PLXNA2: variants seen among roughly 807,000 people sequenced by gnomAD.
PLXNA2 encodes plexin A2.
A neutral mutation model predicts 193.5 loss-of-function variants in PLXNA2; 91 were observed. That is an observed-to-expected ratio of 0.47 (90% CI 0.40 to 0.56). PLXNA2 has a LOEUF of 0.56. Among genes scored for constraint, PLXNA2 ranks in the 20% least tolerant of loss-of-function variants. The pLI, the probability that PLXNA2 is intolerant of heterozygous loss-of-function variation, is 0.00. For missense variants in PLXNA2, 1,995 were observed against 2,503.2 expected (o/e 0.80, Z 4.33); for synonymous variants, 997 against 1,027.3 (o/e 0.97, Z 0.56).
rs1028294256 is a variant in PLXNA2 at position 208,224,082 on chromosome 1, C to T, written c.-80-6080G>A. Among the ~76,000 whole-genome samples, 20 of 152,224 alleles carry T rather than the reference C, an allele frequency of 1.3e-4. 1 individual carries two copies. Among genetic ancestry groups the T allele is most frequent in the Non-Finnish European group, 1.0e-4 (7 of 68,048 alleles). Reference sequence around the variant, plus strand: ...GTACGTGCAAGCATTCTGAGCATCGCTCTGTCTAACACCGACCTTAGAGGT... The same window carrying T: ...GTACGTGCAAGCATTCTGAGCATCGTTCTGTCTAACACCGACCTTAGAGGT... On this transcript the variant is annotated intron_variant, in intron 1 of 31. Coordinates refer to ENST00000367033, the MANE Select transcript of PLXNA2 (RefSeq NM_025179.4).
intron 3 of PLXNA2, among the ~76,000 whole-genome samples, chr1:208,144,292 G>T (rs1225405202): frequency 6.6e-6 from 1 of 152,196 alleles, no homozygotes; most frequent in Non-Finnish European, 1.5e-5. Context: ...TTGGCCGAGT[G>T]GGGAAGGTCA....
rs139061737 is a variant in PLXNA2 at position 208,044,617 on chromosome 1, G to T, written c.3765C>A (p.Ile1255=). ...GGSLLLIIVI[I]VLIAYKRKSR... is the part of the protein sequence containing the mutation. ...ACTTGCGCTTGTAGGCAATGAGGACGATGATGACGATGATGAGGAGGAGGC... is the reference window on the plus strand; with the variant it reads ...ACTTGCGCTTGTAGGCAATGAGGACTATGATGACGATGATGAGGAGGAGGC... The change falls in exon 20 of 32, where the codon ATC becomes ATA. Residue 1255 remains isoleucine, a synonymous_variant. Transcript: ENST00000367033. This position sits in a 1 kb window ranked among gnomAD's most constrained non-coding sequence, Gnocchi z 4.9. The T allele has an allele frequency of 8.1e-6, 13 of 1,614,052 alleles. No individual in the cohort carries two copies. Among genetic ancestry groups the T allele is most frequent in the Non-Finnish European group, 1.1e-5 (13 of 1,179,970 alleles).
intron 2 of PLXNA2, among the ~76,000 whole-genome samples, chr1:208,211,939 T>C (rs1353359044): frequency 2.6e-5 from 4 of 152,234 alleles, no homozygotes; most frequent in Non-Finnish European, 4.4e-5. Flanking sequence ...TTGCATTCTG[T>C]ACACAGTGCT....
At chr1:208,053,787 A>T (rs1035445045) in intron 14 of PLXNA2, among the ~76,000 whole-genome samples, 2 of 152,242 alleles carry the variant, frequency 1.3e-5, no homozygotes, top group African/African-American at 4.8e-5. Context: ...CAGTATGAAT[A>T]GAGTGCCATT....
intron 3 of PLXNA2, among the ~76,000 whole-genome samples, chr1:208,192,891 A>G (rs1348027059): frequency 2.9e-5 from 3 of 102,146 alleles, no homozygotes; most frequent in African/African-American, 1.2e-4. Context: ...CCGTCTCAAA[A>G]GAAAAAGAAA....
At chr1:208,196,958 C>A (rs1362616351) in intron 3 of PLXNA2, among the ~76,000 whole-genome samples, 1 of 152,084 alleles carries the variant, frequency 6.6e-6, no homozygotes, top group Non-Finnish European at 1.5e-5. Context: ...GTGTACTAGA[C>A]CTGTGCTAAG....
intron 3 of PLXNA2, 159 bp downstream of exon 3, chr1:208,210,121 G>A: frequency 1.4e-6 from 1 of 705,858 alleles, no homozygotes; most frequent in Non-Finnish European, 2.5e-6. Context: ...TAGAAGCTAA[G>A]TCACAAAATT....
chr1:208,157,771 G>C (rs1279285632), intron 3 of PLXNA2, among the ~76,000 whole-genome samples: 2 of 152,244 alleles, frequency 1.3e-5, no homozygotes, highest in Non-Finnish European at 2.9e-5. Context: ...AAACTCCTAT[G>C]GGTCTGGCCC....
At chr1:208,081,858 G>A (rs145838542) in intron 11 of PLXNA2, among the ~76,000 whole-genome samples, 6 of 152,106 alleles carry the variant, frequency 3.9e-5, no homozygotes, top group African/African-American at 9.7e-5. Context: ...GGAGGAGCTC[G>A]ACATGAGTTT....
Position 208,186,337 on chromosome 1 carries a change from G to T in PLXNA2, c.1371+23943C>A, listed in dbSNP as rs577449123. On this transcript the variant is annotated intron_variant, in intron 3 of 31. Transcript: ENST00000367033. ...TTTAAAGTGGGGGTTGGGAGAGGGG[G>T]TTCATAAATAGAGAATAGAAAATGC... Among the ~76,000 whole-genome samples the T allele has an allele frequency of 2.0e-5, 3 of 151,886 alleles. No homozygotes were observed. In the South Asian group the frequency reaches 6.2e-4, roughly 32 times the overall value.
In PLXNA2 at chr1:208,044,524, G is replaced by A; in HGVS notation, c.3858C>T (p.Ala1286=). The A allele has an allele frequency of 1.2e-6, 2 of 1,613,808 alleles. No homozygotes were observed. The highest frequency in any genetic ancestry group is 1.7e-6 in the Non-Finnish European group (2 of 1,179,712). ...TCCACTAACCTTCCTTGCACTCCAAGGCCACACGGGACTCCAGATTGTCCA... is the reference window on the plus strand; with the variant it reads ...TCCACTAACCTTCCTTGCACTCCAAAGCCACACGGGACTCCAGATTGTCCA... ...MQMDNLESRV[A]LECKEAFAEL... is the part of the protein sequence containing the mutation. The change falls in exon 20 of 32, where the codon GCC becomes GCT. Residue 1286 remains alanine, a synonymous_variant. Transcript: ENST00000367033. This position sits in a 1 kb window ranked among gnomAD's most constrained non-coding sequence, Gnocchi z 4.9.
chr1:208,160,880 A>C (rs1201300920), intron 3 of PLXNA2, among the ~76,000 whole-genome samples: 1 of 152,258 alleles, frequency 6.6e-6, no homozygotes, highest in South Asian at 2.1e-4. Flanking sequence ...CTATTTTAAA[A>C]AGATCAAGTT....
intron 12 of PLXNA2, among the ~76,000 whole-genome samples, chr1:208,067,720 T>C (rs1320184398): frequency 6.6e-6 from 1 of 152,190 alleles, no homozygotes; most frequent in African/African-American, 2.4e-5. Context: ...GGGTACACTG[T>C]CTAGGTTTGT....
At chr1:208,211,732 A>C (rs1226854912) in intron 2 of PLXNA2, among the ~76,000 whole-genome samples, 1 of 152,002 alleles carries the variant, frequency 6.6e-6, no homozygotes, top group Non-Finnish European at 1.5e-5. Flanking sequence ...GAAAGTAGGA[A>C]GATCTTGATC....
chr1:208,173,498 G>A (rs1480249447), intron 3 of PLXNA2, among the ~76,000 whole-genome samples: 1 of 152,232 alleles, frequency 6.6e-6, no homozygotes, highest in Non-Finnish European at 1.5e-5. Flanking sequence ...GGAGCTCAGA[G>A]AATCTAAGTG....
chr1:208,146,850 T>G (rs1167116785), intron 3 of PLXNA2, among the ~76,000 whole-genome samples: 1 of 152,046 alleles, frequency 6.6e-6, no homozygotes, highest in Non-Finnish European at 1.5e-5. Flanking sequence ...AATGAGTCAC[T>G]GGAGTGTGTT....
chr1:208,140,224 T>C (rs1668420916), intron 4 of PLXNA2, among the ~76,000 whole-genome samples: 1 of 152,148 alleles, frequency 6.6e-6, no homozygotes, highest in East Asian at 1.9e-4. Context: ...TGGCATCAGA[T>C]ATGGATCTAG....
chr1:208,229,118 T>C (rs946750517), intron 1 of PLXNA2, among the ~76,000 whole-genome samples: 10 of 152,146 alleles, frequency 6.6e-5, no homozygotes, highest in African/African-American at 2.4e-4. Flanking sequence ...CAGGTCTGCC[T>C]CAGTACACAG....
In PLXNA2 at chr1:208,216,935, T is replaced by A. The variant is rs770691022; in HGVS notation, c.988A>T (p.Ser330Cys). 1.1e-5 allele frequency: 18 copies of A among 1,614,142 alleles called. 1 individual carries two copies. In the Middle Eastern group the frequency reaches 9.9e-4, roughly 89 times the overall value. ...DSLAQAFNIT[S>C]QDDVLFAIFS... is the part of the protein sequence containing the mutation. ...ATGGCAAAGAGTACATCGTCCTGGC[T>A]GGTGATATTGAAGGCCTGGGCCAGT... Residue 330 changes from serine (S) to cysteine (C), a missense_variant, in exon 2 of 32, where the codon AGC becomes TGC. Transcript: ENST00000367033.
Sources: gnomAD v4.1 joint callset for allele counts (sites outside exome capture counted in the v4.1 genomes callset) on GRCh38, gnomAD v4.1.1 for gene constraint, Gnocchi (gnomAD v3.1) non-coding constraint, MANE v1.5 for transcripts, NCBI Gene and HGNC (gene_info 2026-07-23, HGNC 2026-07-21) for gene names.